The following SYNE2 variants were observed in gnomAD, a reference collection of about 807,000 sequenced individuals.
SYNE2 encodes the protein spectrin repeat containing nuclear envelope protein 2, also known as nesprin-2.
In SYNE2, 431 loss-of-function variants were observed where a neutral mutation model predicts 856.3. That is an observed-to-expected ratio of 0.50 (90% CI 0.47 to 0.55). The LOEUF is 0.55. Among genes scored for constraint, SYNE2 ranks in the 20% least tolerant of loss-of-function variants. The probability of loss-of-function intolerance (pLI) is 0.00; values close to 1 mark genes in which losing one functional copy is unlikely to be tolerated. For synonymous variants in SYNE2, 2,923 were observed against 2,872.3 expected (o/e 1.02, Z -0.56); for missense variants, 8,129 against 8,023.2 (o/e 1.01, Z -0.50).
rs748431472 is a variant in SYNE2 at position 63,998,928 on chromosome 14, G to A, written c.3368G>A (p.Arg1123Lys). ...NSLLERYDTY[R>K]DILEHHLQNN... ...ATTTTGCCCAGGTATGATACATACA[G>A]AGATATTCTTGAACACCACCTGCAA... Residue 1123 changes from arginine to lysine, a missense_variant, in exon 27 of 116, where the codon AGA becomes AAA. Physicochemically the swap from Arg to Lys is conservative, Grantham distance 26. Coordinates refer to ENST00000555002, the MANE Select transcript of SYNE2 (RefSeq NM_182914.3). The A allele has an allele frequency of 1.7e-5, 28 of 1,613,982 alleles. No homozygotes were observed. The highest frequency in any genetic ancestry group is 2.0e-5 in the Non-Finnish European group (24 of 1,179,986).
At position 64,186,578 on chromosome 14, in the gene SYNE2, G is replaced by C. The variant is rs1162985885; in HGVS notation, c.17711G>C (p.Arg5904Thr). Reference sequence around the variant, plus strand: ...AGACAATGGGAGGACCTCTGCTTAAGGGTAAGTCAGCTCACTGCAGGGCAC... The same window carrying C: ...AGACAATGGGAGGACCTCTGCTTAACGGTAAGTCAGCTCACTGCAGGGCAC... The part of the protein sequence containing the change: ...LHRQWEDLCL[R>T]VAIRKQEIED... The change falls in exon 97 of 116, where the codon AGG (arginine) becomes ACG (threonine). Residue 5904 changes from arginine (R) to threonine (T), a missense_variant and splice_region_variant. Physicochemically the swap from Arg to Thr is moderately conservative, Grantham distance 71 (BLOSUM62 -1). This residue lies in a region of SYNE2 where 5,410 missense variants were observed against 5,284.8 expected (regional missense o/e 1.02). Coordinates refer to ENST00000555002, the MANE Select transcript of SYNE2 (RefSeq NM_182914.3). 1 of 1,614,160 alleles carries C rather than the reference G, an allele frequency of 6.2e-7. No homozygotes were observed.
rs2153599614 is a variant in SYNE2, at chr14:64,070,734, C to T, written c.10521C>T (p.Leu3507=). 3.1e-6 allele frequency: 5 copies of T among 1,614,198 alleles called. No individual in the cohort carries two copies. Among genetic ancestry groups the T allele is most frequent in the Non-Finnish European group, 4.2e-6 (5 of 1,180,032 alleles). The stretch of plus-strand genomic sequence containing the variant: ...AAGAGGCAGCCACCACAGAGGAACT[C>T]TCTGAGCTGCTAGACTGTTTATGCC... ...KTKEAATTEE[L]SELLDCLCQY... is the part of the protein sequence containing the mutation. Residue 3507 remains leucine, a synonymous_variant, in exon 52 of 116, where the codon CTC becomes CTT. Transcript: ENST00000555002.
intron 2 of SYNE2, among the ~76,000 whole-genome samples, 171 bp from the exon 3 acceptor site, chr14:63,940,443 T>A (rs539629827): frequency 2.0e-5 from 3 of 149,652 alleles, no homozygotes; most frequent in Admixed American, 2.0e-4. Flanking sequence ...CAACATGGTT[T>A]TTCTAAAACA....
chr14:63,878,723 A>G (rs558598627), intron 1 of SYNE2, among the ~76,000 whole-genome samples: 2 of 152,100 alleles, frequency 1.3e-5, no homozygotes, highest in East Asian at 3.9e-4. Flanking sequence ...TTGTATTTTT[A>G]GTAGAGATGA....
intron 1 of SYNE2, among the ~76,000 whole-genome samples, chr14:63,775,935 T>C (rs1261310147): frequency 6.6e-6 from 1 of 152,208 alleles, no homozygotes; most frequent in Non-Finnish European, 1.5e-5. Flanking sequence ...ATTAGACGCA[T>C]ACAGAGTGCA....
rs397726340 is a variant in SYNE2, at chr14:63,993,818, A to ATTTT, written c.2647-6_2647-3dup. On this transcript the variant is annotated splice_polypyrimidine_tract_variant and intron_variant, in intron 21 of 115. Transcript: ENST00000555002. ...TGAGGCTTTTATGATTTTGTTTGCAATTTTTTTTTTTTTTAGGAAGCACTA... is the reference window on the plus strand; with the variant it reads ...TGAGGCTTTTATGATTTTGTTTGCAATTTTTTTTTTTTTTTTTTAGGAAGCACTA... The ATTTT allele has an allele frequency of 1.5e-5, 21 of 1,432,578 alleles. No homozygotes were observed. Among genetic ancestry groups the ATTTT allele is most frequent in the South Asian group, 2.5e-5 (2 of 80,636 alleles). 88.7% of individuals were successfully genotyped at this position (1,432,578 alleles called of 1,614,324 possible). A position where few individuals can be genotyped will look rare whatever the true frequency, so the allele number is the denominator to read the frequency against.
chr14:64,113,326 T>C lies in SYNE2; in HGVS notation c.12610-15T>C, dbSNP rs771858025. ...AAACTTTGGACTCCCTGGCTTATCT[T>C]TGGATTTCTCTTAGGGCACCACACC... is the stretch of plus-strand genomic sequence containing the variant. On this transcript the variant is annotated splice_polypyrimidine_tract_variant and intron_variant, in intron 65 of 115. Transcript: ENST00000555002. 7 of 1,613,416 alleles carry C rather than the reference T, an allele frequency of 4.3e-6. No homozygotes were observed. The highest frequency in any genetic ancestry group is 5.1e-6 in the Non-Finnish European group (6 of 1,180,014).
chr14:63,937,598 G>T (rs1207889788), intron 2 of SYNE2, among the ~76,000 whole-genome samples: 1 of 152,164 alleles, frequency 6.6e-6, no homozygotes, highest in African/African-American at 2.4e-5. Flanking sequence ...TTGGATGTTT[G>T]TGGAAGAAGA....
At chr14:64,151,420 T>TTA (rs2098240840) in intron 84 of SYNE2, among the ~76,000 whole-genome samples, 4 of 19,324 alleles carry the variant, frequency 2.1e-4, no homozygotes, top group African/African-American at 7.0e-4. Context: ...ACAAAGGATT[T>TTA]AAAAAAAAAA....
At chr14:63,977,637 G>A (rs908523589) in intron 12 of SYNE2, among the ~76,000 whole-genome samples, 1 of 152,088 alleles carries the variant, frequency 6.6e-6, no homozygotes, top group African/African-American at 2.4e-5. Context: ...CTCTGCATCT[G>A]TAGACCCAGC....
intron 45 of SYNE2, among the ~76,000 whole-genome samples, chr14:64,037,877 TGGCCGGGCGGGG>T (rs2097107512): frequency 2.1e-5 from 3 of 145,740 alleles, no homozygotes; most frequent in Admixed American, 2.0e-4. Flanking sequence ...ACGGGGCGGC[TGGCCGGGCGGGG>T]GGCTGACCCC....
In SYNE2 at chr14:64,090,948, C is replaced by T. The variant is rs149790389; in HGVS notation, c.11876C>T (p.Thr3959Ile). The change falls in exon 60 of 116, where the codon ACA becomes ATA. Residue 3959 changes from threonine (T) to isoleucine (I), a missense_variant. Physicochemically the swap from Thr to Ile is moderately conservative, Grantham distance 89 (BLOSUM62 -1). Transcript: ENST00000555002. Reference protein sequence around the residue: ...SYQVELRLPQTGMKPLPVFQR... With the variant: ...SYQVELRLPQIGMKPLPVFQR... Reference sequence around the variant, plus strand: ...CAAGTGGAACTGAGGTTGCCCCAAACAGGAATGAAACCTCTGCCTGTGTTT... The same window carrying T: ...CAAGTGGAACTGAGGTTGCCCCAAATAGGAATGAAACCTCTGCCTGTGTTT... 1.2e-4 allele frequency: 191 copies of T among 1,613,980 alleles called. 1 individual carries two copies. Among genetic ancestry groups the T allele is most frequent in the Non-Finnish European group, 1.6e-4 (183 of 1,180,006 alleles).
rs1280620587 is a variant in SYNE2, at chr14:64,225,872, A to C, written c.*346A>C. 1 of 546,692 alleles carries C rather than the reference A, an allele frequency of 1.8e-6. No homozygotes were observed. Among genetic ancestry groups the C allele is most frequent in the Non-Finnish European group, 3.3e-6 (1 of 305,798 alleles). 33.9% of individuals were successfully genotyped at this position (546,692 alleles called of 1,614,324 possible). ...TATTATAATGTAGGTATGGTCAATG[A>C]GCAGTGGTGTCCATCACATATATTA... On this transcript the variant is annotated 3_prime_UTR_variant, in exon 116 of 116. Coordinates refer to ENST00000555002, the MANE Select transcript of SYNE2 (RefSeq NM_182914.3).
chr14:63,914,270 A>T (rs1476084547), intron 2 of SYNE2, among the ~76,000 whole-genome samples: 4 of 152,236 alleles, frequency 2.6e-5, no homozygotes, highest in Admixed American at 2.6e-4. Flanking sequence ...TAAGTATCAC[A>T]GGACTTTAAA....
intron 78 of SYNE2, among the ~76,000 whole-genome samples, chr14:64,134,999 CAAAA>C (rs1159123972): frequency 8.2e-5 from 11 of 133,600 alleles, no homozygotes; most frequent in Non-Finnish European, 1.5e-4. Flanking sequence ...AACAAAAAAA[CAAAA>C]ACCCTCAAAC....
In SYNE2 at chr14:64,025,136, G is replaced by A. The variant is rs1367701552; in HGVS notation, c.5967G>A (p.Gln1989=). The change falls in exon 41 of 116, where the codon CAG becomes CAA. Residue 1989 remains glutamine (Q), a synonymous_variant. Coordinates refer to ENST00000555002, the MANE Select transcript of SYNE2 (RefSeq NM_182914.3). ...TGGTATTTGGAATTTACAGGGAACA[G>A]TTTGAATCTGTGGCCCAATTGAACA... is the stretch of plus-strand genomic sequence containing the variant. The part of the protein sequence containing the change: ...FCQALARKRE[Q]FESVAQLNNS... The A allele has an allele frequency of 3.7e-6, 6 of 1,613,972 alleles. No homozygotes were observed. In the African/African-American group the frequency reaches 8.0e-5, roughly 22 times the overall value.
At chr14:64,065,302 A>T (rs1246324717) in intron 50 of SYNE2, 130 bp from the exon 51 acceptor site, 2 of 801,588 alleles carry the variant, frequency 2.5e-6, no homozygotes, top group African/African-American at 1.7e-5. Context: ...TTCTAAAAGG[A>T]TAAGAGGTGG....
intron 94 of SYNE2, among the ~76,000 whole-genome samples, chr14:64,172,929 G>A (rs2098417697): frequency 1.4e-5 from 2 of 147,474 alleles, no homozygotes; most frequent in African/African-American, 5.2e-5. Flanking sequence ...AGCAAGACCT[G>A]TCTGGAAAAA....
chr14:64,184,316 CTG>C (rs149863451), intron 96 of SYNE2, among the ~76,000 whole-genome samples: 5,404 of 137,386 alleles, frequency 0.039, 109 homozygotes, highest in Non-Finnish European at 0.042. Context: ...GAGAGCCACA[CTG>C]TATGCATAGG....
Sources: allele counts gnomAD v4.1 joint callset (sites outside exome capture counted in the v4.1 genomes callset), GRCh38; gene constraint gnomAD v4.1.1; regional missense constraint gnomAD v4.1.1; transcripts MANE v1.5; gene names NCBI Gene and HGNC (gene_info 2026-07-23, HGNC 2026-07-21).